ITGA9: variants seen among roughly 807,000 people sequenced by gnomAD.
ITGA9 encodes the protein integrin alpha-9.
Under a neutral mutation model 127.8 loss-of-function variants are expected in ITGA9, and 56 were observed. That is an observed-to-expected ratio of 0.44 (90% CI 0.35 to 0.55). The LOEUF (loss-of-function observed/expected upper bound fraction) is 0.55. Ranked by LOEUF, ITGA9 falls within the 20% of genes least tolerant of loss-of-function variation. The pLI is 0.00. For synonymous variants in ITGA9, 508 were observed against 514.5 expected (o/e 0.99, Z 0.17); for missense variants, 1,196 against 1,347.1 (o/e 0.89, Z 1.76).
At chr3:37,803,990 C>T in intron 27 of ITGA9, 48 bp downstream of exon 27, 1 of 1,613,328 alleles carries the variant, frequency 6.2e-7, no homozygotes, top group Admixed American at 1.7e-5. Flanking sequence ...CTCATAGATG[C>T]CCAGCTCTCC....
chr3:37,554,562 T>C (rs1402032088), intron 15 of ITGA9, among the ~76,000 whole-genome samples: 1 of 151,952 alleles, frequency 6.6e-6, no homozygotes, highest in Admixed American at 6.6e-5. Flanking sequence ...GGAAGGCCTG[T>C]AGGAGGCGGT....
At position 37,500,775 on chromosome 3, in the gene ITGA9, C is replaced by A. The variant is rs1698779654; in HGVS notation, c.613-2403C>A. 3.3e-5 allele frequency among the ~76,000 whole-genome samples: 5 copies of A among 152,282 alleles called. No homozygotes were observed. In the South Asian group the frequency reaches 1.0e-3, roughly 32 times the overall value. On this transcript the variant is annotated intron_variant, in intron 5 of 27. Transcript: ENST00000264741. ...CAGAGGGAGATCAACCTGAAAAGAT[C>A]TGTTTCTGAAATATATGTGGGTGAC...
intron 18 of ITGA9, among the ~76,000 whole-genome samples, chr3:37,710,266 TA>T (rs1197582235): frequency 6.6e-6 from 1 of 152,156 alleles, no homozygotes; most frequent in Non-Finnish European, 1.5e-5. Context: ...AGCTAGTAAG[TA>T]GCAGAGCTGA....
chr3:37,702,422 T>C (rs1700957047), intron 18 of ITGA9, among the ~76,000 whole-genome samples: 1 of 152,162 alleles, frequency 6.6e-6, no homozygotes, highest in African/African-American at 2.4e-5. Context: ...TTCCTGCCGA[T>C]TGGCAAGGTG....
At chr3:37,457,691 A>G (rs1278477700) in intron 1 of ITGA9, among the ~76,000 whole-genome samples, 2 of 152,108 alleles carry the variant, frequency 1.3e-5, no homozygotes, top group African/African-American at 4.8e-5. Context: ...AACAACACAT[A>G]TATGAGGCCT....
Position 37,481,587 on chromosome 3 carries a change from CGCTGATCCCTTGCTA to C in ITGA9, c.525_539del (p.Leu176_Tyr180del). The C allele has an allele frequency of 6.2e-7, 1 of 1,614,196 alleles. No homozygotes were observed. Among genetic ancestry groups the C allele is most frequent in the Non-Finnish European group, 8.5e-7 (1 of 1,180,018 alleles). On this transcript the variant is annotated inframe_deletion, in exon 4 of 28. Coordinates refer to ENST00000264741, the MANE Select transcript of ITGA9 (RefSeq NM_002207.3). ...TCCAACCTCCAGGCCAAAGGCAGGA[CGCTGATCCCTTGCTA>C]TGAAGGTGAGCATGGATTGATTTTT...
intron 15 of ITGA9, among the ~76,000 whole-genome samples, chr3:37,589,171 A>G (rs187180125): frequency 6.6e-6 from 1 of 152,348 alleles, no homozygotes; most frequent in East Asian, 1.9e-4. Context: ...AGAAATCTTC[A>G]TACAGCACTT....
intron 18 of ITGA9, among the ~76,000 whole-genome samples, chr3:37,729,025 C>T (rs957744158): frequency 4.0e-5 from 6 of 151,838 alleles, no homozygotes; most frequent in East Asian, 1.9e-4. Flanking sequence ...TCAGAGGCTA[C>T]GGAATGCTTT....
Position 37,479,581 on chromosome 3 carries a change from C to T in ITGA9, c.421-1903C>T, listed in dbSNP as rs185460890. Among the ~76,000 whole-genome samples, 250 of 152,302 alleles carry T rather than the reference C, an allele frequency of 1.6e-3. 3 individuals carry two copies. Among genetic ancestry groups the T allele is most frequent in the Non-Finnish European group, 7.1e-4 (48 of 68,028 alleles). ...GGCCCCAAGAGCCCCCTCACTCACT[C>T]GGTGACGTGGGGCATTCCATTCGAC... On this transcript the variant is annotated intron_variant, in intron 3 of 27. Coordinates refer to ENST00000264741, the MANE Select transcript of ITGA9 (RefSeq NM_002207.3).
intron 15 of ITGA9, among the ~76,000 whole-genome samples, chr3:37,618,540 G>T (rs1458748802): frequency 1.3e-4 from 20 of 152,278 alleles, no homozygotes; most frequent in African/African-American, 4.8e-4. Context: ...CTTTTGTTTG[G>T]CTATCCCCTA....
At chr3:37,513,499 A>C (rs1057123040) in intron 8 of ITGA9, among the ~76,000 whole-genome samples, 1 of 152,066 alleles carries the variant, frequency 6.6e-6, no homozygotes, top group Non-Finnish European at 1.5e-5. Context: ...GGTTTGTTAC[A>C]TATGTATACA....
chr3:37,697,332 T>C (rs1457573339), intron 18 of ITGA9, among the ~76,000 whole-genome samples: 3 of 149,074 alleles, frequency 2.0e-5, no homozygotes, highest in Non-Finnish European at 4.5e-5. Flanking sequence ...ATTATTATTA[T>C]TATTATTATT....
chr3:37,588,685 G>GC (rs1699783431), intron 15 of ITGA9, among the ~76,000 whole-genome samples: 1 of 152,178 alleles, frequency 6.6e-6, no homozygotes, highest in Non-Finnish European at 1.5e-5. Flanking sequence ...CAGAGTAAGG[G>GC]CCCCTCTTGC....
chr3:37,504,533 T>C (rs1225665972), intron 6 of ITGA9, among the ~76,000 whole-genome samples: 1 of 152,222 alleles, frequency 6.6e-6, no homozygotes, highest in Admixed American at 6.5e-5. Context: ...TGTGGGATTG[T>C]GTCTCACATT....
At chr3:37,527,121 G>T (rs1205980185) in intron 13 of ITGA9, among the ~76,000 whole-genome samples, 2 of 152,190 alleles carry the variant, frequency 1.3e-5, no homozygotes, top group Non-Finnish European at 2.9e-5. Context: ...ATTCTCCTCT[G>T]TTGGCCAGGA....
At chr3:37,801,951 C>A (rs2125561645) in intron 26 of ITGA9, among the ~76,000 whole-genome samples, 1 of 152,284 alleles carries the variant, frequency 6.6e-6, no homozygotes, top group East Asian at 1.9e-4. Flanking sequence ...GTCTCATTTT[C>A]TTTCCTTATC....
At chr3:37,513,330 G>T (rs1559525247) in intron 8 of ITGA9, among the ~76,000 whole-genome samples, 1 of 152,164 alleles carries the variant, frequency 6.6e-6, no homozygotes, top group Admixed American at 6.5e-5. Flanking sequence ...ATTGACTGGG[G>T]CCCTGCCTTG....
intron 25 of ITGA9, 127 bp from the exon 26 acceptor site, chr3:37,784,850 A>T: frequency 1.4e-6 from 1 of 733,846 alleles, no homozygotes; most frequent in Non-Finnish European, 2.5e-6. Context: ...AGAGGTATCT[A>T]GTTCAATGAT....
rs181006716 is a variant in ITGA9 at position 37,762,561 on chromosome 3, A to C, written c.2541+11992A>C. On this transcript the variant is annotated intron_variant, in intron 23 of 27. Transcript: ENST00000264741. ...TCAGACTTGTAAAGGTGTCAGACTC[A>C]ATCTGTCCTAGATCTGGGAAAGGCC... Among the ~76,000 whole-genome samples, 96 of 152,286 alleles carry C rather than the reference A, an allele frequency of 6.3e-4. No homozygotes were observed. The East Asian group carries it at 0.013, about 20-fold the overall frequency.
Sources: gnomAD v4.1 joint callset for allele counts (sites outside exome capture counted in the v4.1 genomes callset) on GRCh38, gnomAD v4.1.1 for gene constraint, MANE v1.5 for transcripts, NCBI Gene and HGNC (gene_info 2026-07-23, HGNC 2026-07-21) for gene names.